MTUS2: variants seen among roughly 807,000 people sequenced by gnomAD.
MTUS2 encodes microtubule associated scaffold protein 2.
In MTUS2, 40 loss-of-function variants were observed where a neutral mutation model predicts 114.1. That is an observed-to-expected ratio of 0.35 (90% CI 0.27 to 0.46). The LOEUF is 0.46. Among genes scored for constraint, MTUS2 ranks in the 20% least tolerant of loss-of-function variants. MTUS2 has a pLI of 1.00. For synonymous variants in MTUS2, 688 were observed against 672.0 expected (o/e 1.02, Z -0.37); for missense variants, 1,679 against 1,705.4 (o/e 0.98, Z 0.27).
chr13:29,349,719 G>A (rs1439024318), intron 7 of MTUS2, among the ~76,000 whole-genome samples: 1 of 151,822 alleles, frequency 6.6e-6, no homozygotes, highest in Non-Finnish European at 1.5e-5. Flanking sequence ...GGTTTCTAGT[G>A]GAAAATCTGC....
chr13:28,906,046 T>G (rs1171671568), intron 2 of MTUS2, among the ~76,000 whole-genome samples: 3 of 151,416 alleles, frequency 2.0e-5, no homozygotes, highest in Non-Finnish European at 2.9e-5. Flanking sequence ...TTGCGTAGAG[T>G]TGTTTGTAGT....
At chr13:28,989,051 G>A (rs983738786) in intron 2 of MTUS2, among the ~76,000 whole-genome samples, 2 of 152,230 alleles carry the variant, frequency 1.3e-5, no homozygotes, top group Non-Finnish European at 2.9e-5. Context: ...CTAATCAAGA[G>A]ATGCAAATGC....
At chr13:29,202,809 C>A (rs1321707421) in intron 5 of MTUS2, among the ~76,000 whole-genome samples, 1 of 152,158 alleles carries the variant, frequency 6.6e-6, no homozygotes, top group Admixed American at 6.5e-5. Flanking sequence ...CACTCCAGAC[C>A]CTGTTTGCCT....
At chr13:28,957,820 C>T (rs1373708886) in intron 2 of MTUS2, among the ~76,000 whole-genome samples, 2 of 152,190 alleles carry the variant, frequency 1.3e-5, no homozygotes. Context: ...CACGTCTTTT[C>T]TCTCAGAAGC....
intron 5 of MTUS2, among the ~76,000 whole-genome samples, chr13:29,134,944 C>T (rs150157647): frequency 1.3e-5 from 2 of 152,310 alleles, no homozygotes; most frequent in African/African-American, 4.8e-5. Flanking sequence ...ATAATATATA[C>T]AGTAGGCCCC....
intron 7 of MTUS2, among the ~76,000 whole-genome samples, chr13:29,344,136 G>A (rs1270724007): frequency 5.3e-5 from 8 of 152,224 alleles, no homozygotes; most frequent in Admixed American, 1.3e-4. Flanking sequence ...TTGTTGGGTA[G>A]AATGTTCTGT....
chr13:28,898,163 C>T (rs370161329), intron 2 of MTUS2, among the ~76,000 whole-genome samples: 11 of 151,988 alleles, frequency 7.2e-5, no homozygotes, highest in South Asian at 4.1e-4. Context: ...AATAAAAATA[C>T]GGGGTTTCCT....
At chr13:29,126,600 C>A (rs1049200748) in intron 5 of MTUS2, among the ~76,000 whole-genome samples, 2 of 151,964 alleles carry the variant, frequency 1.3e-5, no homozygotes, top group African/African-American at 4.8e-5. Context: ...AATTCGTAAA[C>A]TTTCTTAAAA....
chr13:29,373,625 A>C (rs995387804), intron 8 of MTUS2, among the ~76,000 whole-genome samples: 3 of 152,214 alleles, frequency 2.0e-5, no homozygotes, highest in African/African-American at 7.2e-5. Flanking sequence ...TGTGGGAGGC[A>C]CATGAGGTAT....
chr13:28,968,023 C>T (rs1883677395), intron 2 of MTUS2, among the ~76,000 whole-genome samples: 1 of 152,082 alleles, frequency 6.6e-6, no homozygotes, highest in Admixed American at 6.5e-5. Flanking sequence ...AAAAATTATT[C>T]ATGATGTCAC....
intron 4 of MTUS2, among the ~76,000 whole-genome samples, chr13:29,051,861 T>C (rs1887913067): frequency 6.6e-6 from 1 of 152,136 alleles, no homozygotes; most frequent in Non-Finnish European, 1.5e-5. Context: ...TTATGAAATA[T>C]AAGGGGCAAA....
chr13:29,410,854 C>G (rs1373535297), intron 8 of MTUS2, among the ~76,000 whole-genome samples: 1 of 145,098 alleles, frequency 6.9e-6, no homozygotes, highest in African/African-American at 2.5e-5. Flanking sequence ...TGTTTTGAGA[C>G]AGAGTCTCAC....
chr13:29,420,548 A>T (rs1413825573), intron 8 of MTUS2, among the ~76,000 whole-genome samples: 1 of 152,146 alleles, frequency 6.6e-6, no homozygotes, highest in Admixed American at 6.5e-5. Context: ...AAGTGCTGGG[A>T]TTACAGGTAT....
intron 2 of MTUS2, among the ~76,000 whole-genome samples, chr13:28,921,721 G>T (rs1388623274): frequency 6.6e-6 from 1 of 152,188 alleles, no homozygotes; most frequent in Non-Finnish European, 1.5e-5. Context: ...GGGATGGGTG[G>T]TTCCTCTCTG....
intron 4 of MTUS2, among the ~76,000 whole-genome samples, chr13:29,038,925 T>G (rs916320698): frequency 3.2e-4 from 48 of 152,140 alleles, no homozygotes; most frequent in African/African-American, 1.1e-3. Flanking sequence ...GGGCCTGGGG[T>G]GCCGGGCCTT....
At chr13:29,172,888 G>C (rs1893618282) in intron 5 of MTUS2, among the ~76,000 whole-genome samples, 1 of 152,130 alleles carries the variant, frequency 6.6e-6, no homozygotes, top group South Asian at 2.1e-4. Context: ...ACTTTATATT[G>C]GTCCTGCAAA....
intron 8 of MTUS2, among the ~76,000 whole-genome samples, chr13:29,412,226 A>G (rs1334506883): frequency 6.6e-6 from 1 of 152,182 alleles, no homozygotes; most frequent in Non-Finnish European, 1.5e-5. Flanking sequence ...AAGGATTTTT[A>G]TCAGGTTAAG....
At chr13:28,955,780 G>C (rs972801735) in intron 2 of MTUS2, among the ~76,000 whole-genome samples, 15 of 151,952 alleles carry the variant, frequency 9.9e-5, no homozygotes, top group African/African-American at 3.6e-4. Flanking sequence ...GCACCAGGGA[G>C]AAGTGCCTGC....
rs564003430 is a variant in MTUS2 at position 29,198,703 on chromosome 13, A to G, written c.2645-83001A>G. On this transcript the variant is annotated intron_variant, in intron 5 of 15. Transcript: ENST00000612955. ...AAATTGATTCTTCCTATCCATGAGC[A>G]TGGAATGTTTTTCCATTTGTTTGTG... is the stretch of plus-strand genomic sequence containing the variant. Among the ~76,000 whole-genome samples the G allele has an allele frequency of 2.6e-5, 4 of 152,362 alleles. No individual in the cohort carries two copies. The East Asian group carries it at 7.7e-4, about 29-fold the overall frequency.
Sources: gnomAD v4.1 joint callset for allele counts (sites outside exome capture counted in the v4.1 genomes callset) on GRCh38, gnomAD v4.1.1 for gene constraint, MANE v1.5 for transcripts, NCBI Gene and HGNC (gene_info 2026-07-23, HGNC 2026-07-21) for gene names.